Variants in PCDHGB4 observed in about 807,000 individuals in gnomAD.
PCDHGB4 encodes protocadherin gamma-B4.
In PCDHGB4, 38 loss-of-function variants were observed where a neutral mutation model predicts 60.5. The ratio of observed to expected loss-of-function variants is 0.63; its 90% CI spans 0.48 to 0.82. The LOEUF is 0.82. Ranked by LOEUF, PCDHGB4 falls within the 40% of genes least tolerant of loss-of-function variation. The probability of loss-of-function intolerance (pLI) is 0.00; values close to 1 mark genes in which losing one functional copy is unlikely to be tolerated. For synonymous variants in PCDHGB4, 456 were observed against 509.7 expected (o/e 0.89, Z 1.42); for missense variants, 1,109 against 1,209.6 (o/e 0.92, Z 1.23).
intron 1 of PCDHGB4, chr5:141,441,118 G>C (rs1265461098): frequency 6.6e-6 from 1 of 152,212 alleles, no homozygotes; most frequent in Non-Finnish European, 1.5e-5. Flanking sequence ...CCAGTGTACA[G>C]TTGAGACCGA....
At chr5:141,411,227 G>A (rs1276536852) in intron 1 of PCDHGB4, 1 of 152,092 alleles carries the variant, frequency 6.6e-6, no homozygotes, top group Non-Finnish European at 1.5e-5. Context: ...TCAAATTTGC[G>A]AAGACTTAGT....
At chr5:141,443,328 A>C (rs569134076) in intron 1 of PCDHGB4, among the ~76,000 whole-genome samples, 24 of 151,794 alleles carry the variant, frequency 1.6e-4, no homozygotes, top group African/African-American at 4.8e-4. Context: ...AAAAAAAAAA[A>C]ACAAAAATTA....
At position 141,486,735 on chromosome 5, in the gene PCDHGB4, G is replaced by T; in HGVS notation, c.2398-8072G>T. 6.2e-7 allele frequency: 1 copy of T among 1,614,176 alleles called. No individual in the cohort carries two copies. The highest frequency in any genetic ancestry group is 1.1e-5 in the South Asian group (1 of 91,086). On this transcript the variant is annotated intron_variant, in intron 1 of 3. Coordinates refer to ENST00000519479, the MANE Select transcript of PCDHGB4 (RefSeq NM_003736.4). The surrounding 1 kb of genome is among the most constrained non-coding windows in gnomAD (Gnocchi z 5.0). Reference sequence around the variant, plus strand: ...CAGACAGGAGCTGTTCATGCTACTCGATCCTTTGACTATGAGCAAACCCAG... The same window carrying T: ...CAGACAGGAGCTGTTCATGCTACTCTATCCTTTGACTATGAGCAAACCCAG...
intron 1 of PCDHGB4, among the ~76,000 whole-genome samples, chr5:141,447,378 T>C (rs2098536967): frequency 6.6e-6 from 1 of 152,148 alleles, no homozygotes; most frequent in Non-Finnish European, 1.5e-5. Context: ...ACCCTGGTGA[T>C]CTGCCCACCT....
chr5:141,462,243 A>C (rs141980823), intron 1 of PCDHGB4, among the ~76,000 whole-genome samples: 70 of 152,368 alleles, frequency 4.6e-4, no homozygotes, highest in African/African-American at 1.6e-3. Flanking sequence ...TACAGGTATG[A>C]GCCACCATGA....
chr5:141,417,566 C>G, intron 1 of PCDHGB4: 1 of 362,746 alleles, frequency 2.8e-6, no homozygotes. Context: ...AGAGAAAAGT[C>G]AAGTTGCAGT....
At chr5:141,428,185 G>A (rs775261215) in intron 1 of PCDHGB4, 1 of 1,446,348 alleles carries the variant, frequency 6.9e-7, no homozygotes, top group Admixed American at 1.8e-5. Context: ...GAGGACAGCC[G>A]CCGCTCTCTG....
intron 1 of PCDHGB4, chr5:141,424,475 T>C (rs1399874639): frequency 2.6e-5 from 4 of 152,234 alleles, no homozygotes; most frequent in Admixed American, 2.0e-4. Context: ...ATTCTTTTAC[T>C]TTGGTGTCTG....
intron 1 of PCDHGB4, chr5:141,399,919 G>A: frequency 6.2e-7 from 1 of 1,612,300 alleles, no homozygotes; most frequent in Non-Finnish European, 8.5e-7. Flanking sequence ...AGGACACAAC[G>A]CCTGGCTGTC....
At chr5:141,418,310 G>C (rs778649723) in intron 1 of PCDHGB4, 2 of 1,613,990 alleles carry the variant, frequency 1.2e-6, no homozygotes, top group Non-Finnish European at 1.7e-6. Context: ...CCTGGGGATG[G>C]GAACAATTCT....
At position 141,511,393 on chromosome 5, in the gene PCDHGB4, C is replaced by G. The variant is rs1257680621; in HGVS notation, c.*220C>G. The G allele has an allele frequency of 2.8e-6, 3 of 1,067,816 alleles. No individual in the cohort carries two copies. The highest frequency in any genetic ancestry group is 3.9e-6 in the Non-Finnish European group (3 of 764,518). The allele number at this position is 1,067,816 out of a possible 1,614,324, so 66.1% of individuals were successfully genotyped here. A position where few individuals can be genotyped will look rare whatever the true frequency, so the allele number is the denominator to read the frequency against. On this transcript the variant is annotated 3_prime_UTR_variant, in exon 4 of 4. Coordinates refer to ENST00000519479, the MANE Select transcript of PCDHGB4 (RefSeq NM_003736.4). ...CAAAAGCAGTTCCGCTGGGAACCCC[C>G]ATCCAATCAACTGCTGTACCCATGG...
rs779015878 is a variant in PCDHGB4, at chr5:141,389,346, T to G, written c.1462T>G (p.Cys488Gly). The G allele has an allele frequency of 6.2e-7, 1 of 1,613,984 alleles. No individual in the cohort carries two copies. Reference protein sequence around the residue: ...DLGPNGQVSYCIMASDLEQRE... With the variant: ...DLGPNGQVSYGIMASDLEQRE... ...GGGGCCCAACGGCCAAGTCTCTTAC[T>G]GCATCATGGCCAGTGACCTGGAGCA... is the stretch of plus-strand genomic sequence containing the variant. Residue 488 changes from cysteine to glycine, a missense_variant, in exon 1 of 4, where the codon TGC becomes GGC. Physicochemically the swap from Cys to Gly is radical, Grantham distance 159. Transcript: ENST00000519479.
intron 1 of PCDHGB4, among the ~76,000 whole-genome samples, chr5:141,470,239 A>G (rs978204909): frequency 1.3e-5 from 2 of 152,232 alleles, no homozygotes; most frequent in African/African-American, 2.4e-5. Flanking sequence ...AAACCCTTGA[A>G]TGTCCCACCT....
intron 1 of PCDHGB4, chr5:141,439,735 G>A (rs1317592646): frequency 1.3e-5 from 2 of 152,360 alleles, no homozygotes; most frequent in Non-Finnish European, 2.9e-5. Flanking sequence ...AGCAGGAACG[G>A]AACGGATTTA....
In PCDHGB4 at chr5:141,389,405, G is replaced by T. The variant is rs758428464; in HGVS notation, c.1521G>T (p.Ala507=). ...TGTCATCCTACGTGTCCATAAGCGCGGAGAGCGGGGTGGTGTTCGCGCAGC... is the reference window on the plus strand; with the variant it reads ...TGTCATCCTACGTGTCCATAAGCGCTGAGAGCGGGGTGGTGTTCGCGCAGC... ...RELSSYVSIS[A]ESGVVFAQRA... is the part of the protein sequence containing the mutation. Residue 507 remains alanine, a synonymous_variant, in exon 1 of 4, where the codon GCG becomes GCT. Coordinates refer to ENST00000519479, the MANE Select transcript of PCDHGB4 (RefSeq NM_003736.4). 1 of 1,613,496 alleles carries T rather than the reference G, an allele frequency of 6.2e-7. No individual in the cohort carries two copies. Among genetic ancestry groups the T allele is most frequent in the South Asian group, 1.1e-5 (1 of 91,092 alleles).
chr5:141,458,506 A>G (rs1443711702), intron 1 of PCDHGB4, among the ~76,000 whole-genome samples: 1 of 150,282 alleles, frequency 6.7e-6, no homozygotes, highest in Non-Finnish European at 1.5e-5. Flanking sequence ...ATACTGTTTG[A>G]CACTTTGTTT....
Position 141,485,495 on chromosome 5 carries a change from T to C in PCDHGB4, c.2398-9312T>C. 1 of 1,613,494 alleles carries C rather than the reference T, an allele frequency of 6.2e-7. No homozygotes were observed. Among genetic ancestry groups the C allele is most frequent in the African/African-American group, 1.3e-5 (1 of 74,780 alleles). On this transcript the variant is annotated intron_variant, in intron 1 of 3. Coordinates refer to ENST00000519479, the MANE Select transcript of PCDHGB4 (RefSeq NM_003736.4). This position sits in a 1 kb window ranked among gnomAD's most constrained non-coding sequence, Gnocchi z 5.7. ...TGCCAGCTGCATCGTGCCCCTGGAG[T>C]TTGTCACCGAAGGTCCTTTGGAAAT...
intron 1 of PCDHGB4, chr5:141,403,328 A>G: frequency 1.8e-5 from 29 of 1,613,998 alleles, no homozygotes; most frequent in Non-Finnish European, 2.4e-5. Context: ...AGTAACTGAT[A>G]TTAACGACAG....
chr5:141,449,537 C>T (rs1377909573), intron 1 of PCDHGB4, among the ~76,000 whole-genome samples: 1 of 146,330 alleles, frequency 6.8e-6, no homozygotes, highest in Non-Finnish European at 1.5e-5. Flanking sequence ...TGCAGTGAGC[C>T]GAGATCGCAC....
Sources: allele counts gnomAD v4.1 joint callset (sites outside exome capture counted in the v4.1 genomes callset), GRCh38; gene constraint gnomAD v4.1.1; non-coding constraint Gnocchi (gnomAD v3.1); transcripts MANE v1.5; gene names NCBI Gene and HGNC (gene_info 2026-07-23, HGNC 2026-07-21).